SLCO3A1: variants seen among roughly 807,000 people sequenced by gnomAD.
SLCO3A1 encodes solute carrier organic anion transporter family member 3A1, also known as PGE1 transporter.
Under a neutral mutation model 63.1 loss-of-function variants are expected in SLCO3A1, and 27 were observed. The observed-to-expected ratio is 0.43, with a 90% CI of 0.32 to 0.59. The LOEUF (loss-of-function observed/expected upper bound fraction) is 0.59, where lower values mean the gene tolerates loss of function less well. Ranked by LOEUF, SLCO3A1 falls within the 20% of genes least tolerant of loss-of-function variation. The pLI is 0.09. For missense variants in SLCO3A1, 773 were observed against 945.8 expected, an observed-to-expected ratio of 0.82 and a Z score of 2.40; for synonymous variants, 473 against 409.9, an observed-to-expected ratio of 1.15 and a Z score of -1.86.
Position 91,856,566 on chromosome 15 carries a change from G to C in SLCO3A1, c.180+2478G>C, listed in dbSNP as rs760026925. ...GATAATTGGAGAATGAAATATTGCA[G>C]GCTGTTTGCAGGAAAGGCACATTTC... On this transcript the variant is annotated intron_variant, in intron 1 of 9. Transcript: ENST00000318445. This position sits in a 1 kb window ranked among gnomAD's most constrained non-coding sequence, Gnocchi z 4.9. Among the ~76,000 whole-genome samples the C allele has an allele frequency of 6.6e-6, 1 of 152,200 alleles. No homozygotes were observed. The highest frequency in any genetic ancestry group is 1.5e-5 in the Non-Finnish European group (1 of 68,038).
intron 2 of SLCO3A1, among the ~76,000 whole-genome samples, chr15:92,021,534 A>G (rs1373730922): frequency 6.6e-6 from 1 of 152,200 alleles, no homozygotes; most frequent in African/African-American, 2.4e-5. Context: ...CACTCCTACA[A>G]GGCAAGAGGG....
At chr15:91,933,512 T>C (rs139013349) in intron 2 of SLCO3A1, among the ~76,000 whole-genome samples, 165 of 152,312 alleles carry the variant, frequency 1.1e-3, no homozygotes, top group African/African-American at 3.9e-3. Flanking sequence ...TTCTCTACTT[T>C]TTCACCTAAA....
At chr15:92,078,669 T>C (rs911159857) in intron 2 of SLCO3A1, among the ~76,000 whole-genome samples, 1 of 152,224 alleles carries the variant, frequency 6.6e-6, no homozygotes, top group African/African-American at 2.4e-5. Flanking sequence ...CTCTGCTTTG[T>C]TTTTATTTCA....
intron 2 of SLCO3A1, among the ~76,000 whole-genome samples, chr15:91,931,440 T>C (rs775271080): frequency 1.1e-4 from 17 of 151,126 alleles, no homozygotes; most frequent in East Asian, 3.9e-4. Context: ...CCTCTGTGAA[T>C]GGGCAAACCC....
In SLCO3A1 at chr15:91,883,528, C is replaced by T. The variant is rs1897649263; in HGVS notation, c.180+29440C>T. On this transcript the variant is annotated intron_variant, in intron 1 of 9. Transcript: ENST00000318445. This position sits in a 1 kb window ranked among gnomAD's most constrained non-coding sequence, Gnocchi z 4.8. Reference sequence around the variant, plus strand: ...TTTGCATTTTCTTGCATGCAGTAGTCTTCCATAGGGAGTTCTACCTCTCAG... The same window carrying T: ...TTTGCATTTTCTTGCATGCAGTAGTTTTCCATAGGGAGTTCTACCTCTCAG... 6.6e-6 allele frequency among the ~76,000 whole-genome samples: 1 copy of T among 152,168 alleles called. No individual in the cohort carries two copies. Among genetic ancestry groups the T allele is most frequent in the African/African-American group, 2.4e-5 (1 of 41,434 alleles).
intron 2 of SLCO3A1, among the ~76,000 whole-genome samples, chr15:92,088,986 C>T (rs939677070): frequency 2.0e-5 from 3 of 151,394 alleles, no homozygotes; most frequent in Non-Finnish European, 4.4e-5. Context: ...AGTCCACTTA[C>T]CCCAGCTTTA....
At chr15:92,103,411 A>G (rs1233867016) in intron 3 of SLCO3A1, among the ~76,000 whole-genome samples, 1 of 152,232 alleles carries the variant, frequency 6.6e-6, no homozygotes, top group African/African-American at 2.4e-5. Context: ...TAAAAGAAAT[A>G]GTGGTACAGT....
At chr15:91,903,751 A>G (rs906900158) in intron 1 of SLCO3A1, among the ~76,000 whole-genome samples, 1 of 152,240 alleles carries the variant, frequency 6.6e-6, no homozygotes, top group Non-Finnish European at 1.5e-5. Flanking sequence ...CAGCATGGCC[A>G]TAAGATGGTA....
intron 2 of SLCO3A1, among the ~76,000 whole-genome samples, chr15:91,947,697 C>T (rs771518914): frequency 2.0e-5 from 3 of 152,210 alleles, no homozygotes; most frequent in African/African-American, 4.8e-5. Context: ...CTAGGCTTCT[C>T]CTGGAGCAAT....
intron 2 of SLCO3A1, among the ~76,000 whole-genome samples, chr15:92,028,185 G>A (rs964744257): frequency 5.9e-5 from 9 of 152,266 alleles, no homozygotes; most frequent in African/African-American, 1.2e-4. Flanking sequence ...CTGGTCGGTC[G>A]TATGTCAGGT....
At chr15:91,937,150 G>T (rs1043159784) in intron 2 of SLCO3A1, among the ~76,000 whole-genome samples, 6 of 152,152 alleles carry the variant, frequency 3.9e-5, no homozygotes, top group South Asian at 4.1e-4. Context: ...CCCAGCTGAC[G>T]ATGTAAAAGG....
chr15:92,087,793 A>C (rs950906924), intron 2 of SLCO3A1, among the ~76,000 whole-genome samples: 1 of 152,218 alleles, frequency 6.6e-6, no homozygotes, highest in Non-Finnish European at 1.5e-5. Context: ...TGCTGGGATT[A>C]GAGGTGTGAG....
chr15:92,114,917 G>A (rs2047775109), intron 4 of SLCO3A1, among the ~76,000 whole-genome samples: 1 of 152,038 alleles, frequency 6.6e-6, no homozygotes, highest in Admixed American at 6.6e-5. Context: ...ATGAAGCGTT[G>A]GTTTTCTCAT....
chr15:91,882,604 T>C lies in SLCO3A1; in HGVS notation c.180+28516T>C, dbSNP rs1897618432. Among the ~76,000 whole-genome samples, 1 of 149,736 alleles carries C rather than the reference T, an allele frequency of 6.7e-6. No individual in the cohort carries two copies. The highest frequency in any genetic ancestry group is 2.5e-5 in the African/African-American group (1 of 40,474). On this transcript the variant is annotated intron_variant, in intron 1 of 9. Transcript: ENST00000318445. This position sits in a 1 kb window ranked among gnomAD's most constrained non-coding sequence, Gnocchi z 4.4. ...ATCTCAGCTCACTGCAACCTCCGCC[T>C]CCCGGGTTCAAGCGATTCTCTTGCT...
intron 2 of SLCO3A1, among the ~76,000 whole-genome samples, chr15:91,975,291 G>A (rs1238267357): frequency 6.6e-6 from 1 of 152,102 alleles, no homozygotes; most frequent in African/African-American, 2.4e-5. Flanking sequence ...TTTGCCTGGA[G>A]CTGGCATGAT....
intron 2 of SLCO3A1, among the ~76,000 whole-genome samples, chr15:91,993,281 T>A (rs1314613632): frequency 1.3e-5 from 2 of 152,220 alleles, no homozygotes; most frequent in Non-Finnish European, 2.9e-5. Context: ...CCTTCCGAAT[T>A]CAGAGGAAGT....
At chr15:92,127,018 C>T (rs567920654) in intron 6 of SLCO3A1, among the ~76,000 whole-genome samples, 7 of 152,282 alleles carry the variant, frequency 4.6e-5, no homozygotes, top group South Asian at 4.1e-4. Context: ...GCGCTTGTGC[C>T]GGAAGATGCA....
Position 91,854,284 on chromosome 15 carries a change from G to GC in SLCO3A1, c.180+197dup. 2 of 1,159,980 alleles carry GC rather than the reference G, an allele frequency of 1.7e-6. No homozygotes were observed. Among genetic ancestry groups the GC allele is most frequent in the Non-Finnish European group, 1.1e-6 (1 of 938,806 alleles). 71.9% of individuals were successfully genotyped at this position (1,159,980 alleles called of 1,614,324 possible). On this transcript the variant is annotated intron_variant, in intron 1 of 9. Coordinates refer to ENST00000318445, the MANE Select transcript of SLCO3A1 (RefSeq NM_013272.4). This position sits in a 1 kb window ranked among gnomAD's most constrained non-coding sequence, Gnocchi z 6.4. ...GGGGCTGCCAGCGAGCGGGTAGCGGGCGGGACCGTTGATGCCGGTAGCAGC... is the reference window on the plus strand; with the variant it reads ...GGGGCTGCCAGCGAGCGGGTAGCGGGCCGGGACCGTTGATGCCGGTAGCAGC...
At chr15:92,085,642 A>G (rs1401604732) in intron 2 of SLCO3A1, among the ~76,000 whole-genome samples, 1 of 152,258 alleles carries the variant, frequency 6.6e-6, no homozygotes, top group African/African-American at 2.4e-5. Flanking sequence ...TAAAAATATT[A>G]AAATCACGTT....
Sources: gnomAD v4.1 joint callset for allele counts (sites outside exome capture counted in the v4.1 genomes callset) on GRCh38, gnomAD v4.1.1 for gene constraint, Gnocchi (gnomAD v3.1) non-coding constraint, MANE v1.5 for transcripts, NCBI Gene and HGNC (gene_info 2026-07-23, HGNC 2026-07-21) for gene names.